The following MGAT4C variants were observed in gnomAD, a reference collection of about 807,000 sequenced individuals.
MGAT4C encodes alpha-1,3-mannosyl-glycoprotein 4-beta-N-acetylglucosaminyltransferase C.
In MGAT4C, 19 loss-of-function variants were observed where a neutral mutation model predicts 40.1. The observed-to-expected ratio is 0.47, with a 90% CI of 0.33 to 0.70. The LOEUF (loss-of-function observed/expected upper bound fraction) is 0.70, where lower values mean the gene tolerates loss of function less well. Ranked by LOEUF, MGAT4C falls within the 30% of genes least tolerant of loss-of-function variation. The probability of loss-of-function intolerance (pLI) is 0.02; values close to 1 mark genes in which losing one functional copy is unlikely to be tolerated. For synonymous variants in MGAT4C, 181 were observed against 187.1 expected (o/e 0.97, Z 0.27); for missense variants, 491 against 563.2 (o/e 0.87, Z 1.30).
chr12:86,421,919 G>C, intron 3 of MGAT4C, among the ~76,000 whole-genome samples: 1 of 152,174 alleles, frequency 6.6e-6, no homozygotes, highest in East Asian at 1.9e-4. Flanking sequence ...AGCAGAAATT[G>C]TAAGTCTTAA....
At chr12:86,167,555 A>G (rs994918822) in intron 1 of MGAT4C, among the ~76,000 whole-genome samples, 2 of 152,234 alleles carry the variant, frequency 1.3e-5, no homozygotes, top group African/African-American at 4.8e-5. Flanking sequence ...TGAGAAGTCC[A>G]TGATTGATTA....
intron 3 of MGAT4C, among the ~76,000 whole-genome samples, chr12:86,392,620 T>C (rs1339769119): frequency 6.6e-6 from 1 of 152,190 alleles, no homozygotes; most frequent in Non-Finnish European, 1.5e-5. Context: ...GGATGGCTTT[T>C]AGAGTAAGTG....
At position 86,269,762 on chromosome 12, in the gene MGAT4C, A is replaced by T. The variant is rs375386886; in HGVS notation, c.-57+64303T>A. Among the ~76,000 whole-genome samples, 6 of 152,242 alleles carry T rather than the reference A, an allele frequency of 3.9e-5. No individual in the cohort carries two copies. In the South Asian group the frequency reaches 1.0e-3, roughly 26 times the overall value. Reference sequence around the variant, plus strand: ...GATATTATGAGATTTAGACTATATTAATGGAGGAAAGAATGCATAAAAAGT... The same window carrying T: ...GATATTATGAGATTTAGACTATATTTATGGAGGAAAGAATGCATAAAAAGT... On this transcript the variant is annotated intron_variant, in intron 4 of 7. Coordinates refer to the MGAT4C transcript ENST00000548651.
intron 1 of MGAT4C, among the ~76,000 whole-genome samples, chr12:86,137,501 T>G (rs1387029626): frequency 6.6e-6 from 1 of 152,204 alleles, no homozygotes; most frequent in Non-Finnish European, 1.5e-5. Context: ...AAGCTCCTTA[T>G]AAAACATTAC....
intron 3 of MGAT4C, among the ~76,000 whole-genome samples, chr12:86,405,988 A>C (rs934665457): frequency 1.0e-4 from 14 of 135,708 alleles, no homozygotes; most frequent in South Asian, 7.0e-4. Flanking sequence ...TATATACACA[A>C]AAAATATATA....
At chr12:86,463,986 G>A (rs1207899219) in intron 2 of MGAT4C, among the ~76,000 whole-genome samples, 1 of 152,156 alleles carries the variant, frequency 6.6e-6, no homozygotes, top group Non-Finnish European at 1.5e-5. Context: ...TTTCAGAGGT[G>A]TTGCTGTTAC....
At chr12:86,340,064 C>A (rs1275580321) in intron 3 of MGAT4C, among the ~76,000 whole-genome samples, 2 of 152,150 alleles carry the variant, frequency 1.3e-5, no homozygotes, top group Non-Finnish European at 2.9e-5. Context: ...ATAAATTTGG[C>A]TTAATTCTGA....
chr12:86,631,811 A>G (rs959978713), intron 2 of MGAT4C, among the ~76,000 whole-genome samples: 1 of 152,092 alleles, frequency 6.6e-6, no homozygotes, highest in Non-Finnish European at 1.5e-5. Flanking sequence ...CCTAGAAGAA[A>G]ACTTAGGCAA....
At chr12:85,983,780 G>C (rs150737330) in intron 3 of MGAT4C, 110 bp from the exon 4 acceptor site, 253 of 850,102 alleles carry the variant, frequency 3.0e-4, no homozygotes, top group Non-Finnish European at 3.5e-4. Context: ...ATAGTATGCA[G>C]GGTTATATAA....
At chr12:86,400,712 T>C (rs973700260) in intron 3 of MGAT4C, among the ~76,000 whole-genome samples, 4 of 152,214 alleles carry the variant, frequency 2.6e-5, no homozygotes, top group Non-Finnish European at 5.9e-5. Flanking sequence ...TCAATTAATA[T>C]GAAGATGTTT....
At position 86,463,705 on chromosome 12, in the gene MGAT4C, G is replaced by T. The variant is rs552664414; in HGVS notation, c.-228-28440C>A. On this transcript the variant is annotated intron_variant, in intron 2 of 7. Coordinates refer to the MGAT4C transcript ENST00000548651. ...TAATTCCTTGCTTAACACCCATTAT[G>T]TGCAGCAAGAAAACAAACACAATAA... 2.6e-5 allele frequency among the ~76,000 whole-genome samples: 4 copies of T among 151,978 alleles called. No homozygotes were observed. The South Asian group carries it at 8.4e-4, about 32-fold the overall frequency.
intron 2 of MGAT4C, among the ~76,000 whole-genome samples, chr12:86,575,501 T>C (rs1224175465): frequency 6.6e-6 from 1 of 151,898 alleles, no homozygotes; most frequent in Non-Finnish European, 1.5e-5. Flanking sequence ...TGCAACATAA[T>C]GAGCTCCAGT....
At chr12:86,275,740 C>G (rs192277428) in intron 4 of MGAT4C, among the ~76,000 whole-genome samples, 4 of 152,100 alleles carry the variant, frequency 2.6e-5, no homozygotes, top group Admixed American at 2.6e-4. Flanking sequence ...CAAGCATTCT[C>G]CCCTAGAATC....
chr12:86,504,541 A>C (rs1387351367), intron 2 of MGAT4C, among the ~76,000 whole-genome samples: 1 of 151,218 alleles, frequency 6.6e-6, no homozygotes, highest in African/African-American at 2.5e-5. Context: ...TCCTCTGCTC[A>C]AAACCTTTAA....
chr12:85,976,707 A>T lies in MGAT4C; in HGVS notation c.*2582T>A, dbSNP rs952628600. On this transcript the variant is annotated 3_prime_UTR_variant, in exon 5 of 5. Transcript: ENST00000611864. ...ATATATGTATTATATATGTATATAT[A>T]TATAAACTTACAGCAAAAATGTTTA... 5 of 147,274 alleles carry T rather than the reference A, an allele frequency of 3.4e-5. No homozygotes were observed. Among genetic ancestry groups the T allele is most frequent in the African/African-American group, 1.2e-4 (5 of 40,766 alleles). The allele number at this position is 147,274 out of a possible 1,614,324, so 9.1% of individuals were successfully genotyped here. A position where few individuals can be genotyped will look rare whatever the true frequency, so the allele number is the denominator to read the frequency against.
chr12:86,188,633 ATG>A (rs997141432), intron 1 of MGAT4C, among the ~76,000 whole-genome samples: 3 of 151,990 alleles, frequency 2.0e-5, no homozygotes, highest in African/African-American at 7.2e-5. Context: ...GTTGTATTAG[ATG>A]TGATATTTTG....
At position 86,061,097 on chromosome 12, in the gene MGAT4C, CT is replaced by C. The variant is rs541408269; in HGVS notation, c.-56-11375del. Among the ~76,000 whole-genome samples, 20 of 152,224 alleles carry C rather than the reference CT, an allele frequency of 1.3e-4. No individual in the cohort carries two copies. In the South Asian group the frequency reaches 4.1e-3, roughly 32 times the overall value. ...GTGGCTGAATGGGAACAGCTTTGGTCTGCAGCTCCCAGCAAGATCAACTCAG... is the reference window on the plus strand; with the variant it reads ...GTGGCTGAATGGGAACAGCTTTGGTCGCAGCTCCCAGCAAGATCAACTCAG... On this transcript the variant is annotated intron_variant, in intron 1 of 4. Coordinates refer to ENST00000611864, the MANE Select transcript of MGAT4C (RefSeq NM_001351288.2).
At chr12:86,790,771 C>G (rs901736912) in intron 1 of MGAT4C, among the ~76,000 whole-genome samples, 4 of 152,080 alleles carry the variant, frequency 2.6e-5, no homozygotes, top group Admixed American at 6.6e-5. Context: ...TCTCTGCGTT[C>G]AGAGAGTCAA....
chr12:86,403,709 G>C (rs1284050942), intron 3 of MGAT4C, among the ~76,000 whole-genome samples: 1 of 152,090 alleles, frequency 6.6e-6, no homozygotes, highest in Non-Finnish European at 1.5e-5. Context: ...AGGAAGCAGA[G>C]GAAGACTAAA....
Sources: allele counts gnomAD v4.1 joint callset (sites outside exome capture counted in the v4.1 genomes callset), GRCh38; gene constraint gnomAD v4.1.1; transcripts MANE v1.5; gene names NCBI Gene and HGNC (gene_info 2026-07-23, HGNC 2026-07-21).